The following ITPK1 variants were observed in gnomAD, a reference collection of about 807,000 sequenced individuals.
ITPK1 encodes the protein inositol 1,3,4-trisphosphate 5/6-kinase.
In ITPK1, 21 loss-of-function variants were observed where a neutral mutation model predicts 45.3. The ratio of observed to expected loss-of-function variants is 0.46; its 90% CI spans 0.33 to 0.67. The LOEUF is 0.67. Ranked by LOEUF, ITPK1 falls within the 30% of genes least tolerant of loss-of-function variation. The pLI, the probability that ITPK1 is intolerant of heterozygous loss-of-function variation, is 0.02. For synonymous variants in ITPK1, 258 were observed against 253.6 expected (o/e 1.02, Z -0.16); for missense variants, 474 against 573.5 (o/e 0.83, Z 1.77).
At chr14:93,048,020 G>C (rs970967128) in intron 3 of ITPK1, among the ~76,000 whole-genome samples, 1 of 152,212 alleles carries the variant, frequency 6.6e-6, no homozygotes, top group Non-Finnish European at 1.5e-5. Context: ...AGACATTCAG[G>C]CCAATAAATT....
Position 93,076,081 on chromosome 14 carries a change from C to T in ITPK1, c.120+514G>A, listed in dbSNP as rs184344937. Among the ~76,000 whole-genome samples the T allele has an allele frequency of 6.6e-5, 10 of 151,978 alleles. No individual in the cohort carries two copies. The East Asian group carries it at 1.9e-3, about 29-fold the overall frequency. On this transcript the variant is annotated intron_variant, in intron 3 of 10. Coordinates refer to ENST00000267615, the MANE Select transcript of ITPK1 (RefSeq NM_014216.6). This position sits in a 1 kb window ranked among gnomAD's most constrained non-coding sequence, Gnocchi z 4.3. ...TCCTTCTATCCTTCCTCCCCTCCAT[C>T]CATCCTTCCTTCTCCCTCCATCCTT...
intron 3 of ITPK1, among the ~76,000 whole-genome samples, chr14:93,064,981 C>T (rs1368647323): frequency 1.3e-5 from 2 of 152,096 alleles, no homozygotes; most frequent in Non-Finnish European, 2.9e-5. Context: ...TGAACTAGCA[C>T]GGGAGGGGGT....
rs1009691423 is a variant in ITPK1, at chr14:93,014,675, G to A, written c.246+2001C>T. 9.2e-5 allele frequency among the ~76,000 whole-genome samples: 14 copies of A among 152,214 alleles called. No individual in the cohort carries two copies. Among genetic ancestry groups the A allele is most frequent in the African/African-American group, 3.4e-4 (14 of 41,452 alleles). ...TCATCCATCTCTGGAGAGGCCACACGACAGGTGAGGAGAGCAAGCTAGCGC... is the reference window on the plus strand; with the variant it reads ...TCATCCATCTCTGGAGAGGCCACACAACAGGTGAGGAGAGCAAGCTAGCGC... On this transcript the variant is annotated intron_variant, in intron 4 of 10. Transcript: ENST00000267615. This position sits in a 1 kb window ranked among gnomAD's most constrained non-coding sequence, Gnocchi z 4.4.
chr14:93,114,704 C>T (rs1272315788), intron 2 of ITPK1, among the ~76,000 whole-genome samples: 3 of 152,178 alleles, frequency 2.0e-5, no homozygotes, highest in Non-Finnish European at 4.4e-5. Flanking sequence ...AAAAACACTC[C>T]GGTCCAAAAG....
rs528369037 is a variant in ITPK1, at chr14:92,995,299, G to A, written c.247-1302C>T. 4.6e-5 allele frequency among the ~76,000 whole-genome samples: 7 copies of A among 152,318 alleles called. No homozygotes were observed. In the South Asian group the frequency reaches 8.3e-4, roughly 18 times the overall value. ...CCTCTGCTCACCCACTCCACAGCCC[G>A]TCAGTGAGGCCTGCACAGGCTGGGG... On this transcript the variant is annotated intron_variant, in intron 4 of 10. Transcript: ENST00000267615.
chr14:92,945,338 C>A (rs1418400081), intron 10 of ITPK1, among the ~76,000 whole-genome samples: 1 of 152,256 alleles, frequency 6.6e-6, no homozygotes, highest in Non-Finnish European at 1.5e-5. Flanking sequence ...GTGACACACA[C>A]AGAAAGTGCC....
At position 92,940,703 on chromosome 14, in the gene ITPK1, T is replaced by G. The variant is rs1211847970; in HGVS notation, c.*858A>C. 3 of 1,287,036 alleles carry G rather than the reference T, an allele frequency of 2.3e-6. No homozygotes were observed. The highest frequency in any genetic ancestry group is 3.0e-6 in the Non-Finnish European group (3 of 987,846). The allele number at this position is 1,287,036 out of a possible 1,614,324, so 79.7% of individuals were successfully genotyped here. ...CCCTGTGGTGCTCTCTGATCTCAAATGTCCACTAGAGACAAGGGGGTGGAG... is the reference window on the plus strand; with the variant it reads ...CCCTGTGGTGCTCTCTGATCTCAAAGGTCCACTAGAGACAAGGGGGTGGAG... On this transcript the variant is annotated 3_prime_UTR_variant, in exon 11 of 11. Coordinates refer to ENST00000267615, the MANE Select transcript of ITPK1 (RefSeq NM_014216.6).
chr14:93,114,978 A>G, intron 2 of ITPK1, 91 bp downstream of exon 2: 1 of 678,002 alleles, frequency 1.5e-6, no homozygotes, highest in South Asian at 2.2e-5. Flanking sequence ...CGATCTCCCA[A>G]AACAACTAAT....
At chr14:93,095,730 A>G (rs1180303423) in intron 2 of ITPK1, among the ~76,000 whole-genome samples, 1 of 151,980 alleles carries the variant, frequency 6.6e-6, no homozygotes, top group Non-Finnish European at 1.5e-5. Flanking sequence ...GTAGTTTTTC[A>G]GCCCTTGCCC....
At chr14:92,971,754 G>A (rs1885664424) in intron 5 of ITPK1, among the ~76,000 whole-genome samples, 1 of 152,220 alleles carries the variant, frequency 6.6e-6, no homozygotes, top group South Asian at 2.1e-4. Context: ...TCTGATATCT[G>A]TAAACTAGGC....
chr14:93,084,949 C>T (rs570293161), intron 2 of ITPK1, among the ~76,000 whole-genome samples: 3 of 152,278 alleles, frequency 2.0e-5, no homozygotes, highest in African/African-American at 2.4e-5. Context: ...AGCATCAGAC[C>T]ATGAGCCCCT....
chr14:93,065,498 A>T (rs1595182686), intron 3 of ITPK1, among the ~76,000 whole-genome samples: 1 of 152,162 alleles, frequency 6.6e-6, no homozygotes, highest in East Asian at 1.9e-4. Context: ...ACTCTATGAG[A>T]CTGGGTCCAT....
At chr14:93,009,783 C>A (rs1887801175) in intron 4 of ITPK1, among the ~76,000 whole-genome samples, 1 of 152,204 alleles carries the variant, frequency 6.6e-6, no homozygotes, top group East Asian at 1.9e-4. Context: ...TCACACGGCA[C>A]CAGCTGTGTC....
At chr14:93,110,380 A>G (rs1892702321) in intron 2 of ITPK1, among the ~76,000 whole-genome samples, 1 of 152,206 alleles carries the variant, frequency 6.6e-6, no homozygotes, top group African/African-American at 2.4e-5. Context: ...CCACCCACAG[A>G]CCAGCATCAC....
chr14:93,081,064 T>A (rs2139990970), intron 2 of ITPK1, among the ~76,000 whole-genome samples: 1 of 148,616 alleles, frequency 6.7e-6, no homozygotes, highest in East Asian at 2.1e-4. Context: ...GCATGGTGGC[T>A]CACGCCTGTA....
At chr14:93,041,262 T>C (rs149960834) in intron 3 of ITPK1, among the ~76,000 whole-genome samples, 4,176 of 152,318 alleles carry the variant, frequency 0.027, 98 homozygotes, top group Admixed American at 0.085. Flanking sequence ...CCAGGCCCTC[T>C]GTCCTACAAA....
chr14:93,063,504 C>A lies in ITPK1; in HGVS notation c.120+13091G>T, dbSNP rs1029266480. 4.6e-5 allele frequency among the ~76,000 whole-genome samples: 7 copies of A among 152,206 alleles called. No homozygotes were observed. Among genetic ancestry groups the A allele is most frequent in the African/African-American group, 1.7e-4 (7 of 41,446 alleles). On this transcript the variant is annotated intron_variant, in intron 3 of 10. Coordinates refer to ENST00000267615, the MANE Select transcript of ITPK1 (RefSeq NM_014216.6). The surrounding 1 kb of genome is among the most constrained non-coding windows in gnomAD (Gnocchi z 4.3). ...GCTACCCACGCTTCTCCTACGAGGGCCTGAGTTTTAGAAGGCCTTCTCACT... is the reference window on the plus strand; with the variant it reads ...GCTACCCACGCTTCTCCTACGAGGGACTGAGTTTTAGAAGGCCTTCTCACT...
intron 3 of ITPK1, among the ~76,000 whole-genome samples, chr14:93,072,615 CTTTT>C (rs111822420): frequency 4.3e-5 from 6 of 139,248 alleles, no homozygotes; most frequent in Non-Finnish European, 4.7e-5. Context: ...AAATATTATT[CTTTT>C]TTTTTTTTTT....
chr14:93,056,221 C>G (rs906131273), intron 3 of ITPK1, among the ~76,000 whole-genome samples: 33 of 152,126 alleles, frequency 2.2e-4, no homozygotes, highest in African/African-American at 8.0e-4. Context: ...CCACTCCTGG[C>G]CAAGCAGAGG....
Sources: allele counts gnomAD v4.1 joint callset (sites outside exome capture counted in the v4.1 genomes callset), GRCh38; gene constraint gnomAD v4.1.1; non-coding constraint Gnocchi (gnomAD v3.1); transcripts MANE v1.5; gene names NCBI Gene and HGNC (gene_info 2026-07-23, HGNC 2026-07-21).